SEL1L3: variants seen among roughly 807,000 people sequenced by gnomAD.
SEL1L3 encodes SEL1L family member 3, also known as protein sel-1 homolog 3.
SEL1L3 carries 76 observed loss-of-function variants against 142.8 expected under a neutral mutation model. The ratio of observed to expected loss-of-function variants is 0.53; its 90% CI spans 0.44 to 0.64. SEL1L3 has a LOEUF of 0.64. SEL1L3 is among the 30% of genes least tolerant of loss of function. The probability of loss-of-function intolerance (pLI) is 0.00; values close to 1 mark genes in which losing one functional copy is unlikely to be tolerated. For missense variants in SEL1L3, 1,262 were observed against 1,381.7 expected (o/e 0.91, Z 1.37); for synonymous variants, 504 against 519.6 (o/e 0.97, Z 0.41).
intron 23 of SEL1L3, among the ~76,000 whole-genome samples, chr4:25,750,144 G>A (rs1342811144): frequency 6.8e-6 from 1 of 147,432 alleles, no homozygotes; most frequent in African/African-American, 2.5e-5. Flanking sequence ...TAAAGCCGGA[G>A]AATTGCTTGA....
rs1479539899 is a variant in SEL1L3 at position 25,847,288 on chromosome 4, A to G, written c.733+6T>C. 1 of 1,604,298 alleles carries G rather than the reference A, an allele frequency of 6.2e-7. No homozygotes were observed. Among genetic ancestry groups the G allele is most frequent in the Non-Finnish European group, 8.5e-7 (1 of 1,174,630 alleles). The stretch of plus-strand genomic sequence containing the variant: ...AATTAGGTTCCTAGCAAGATAGATG[A>G]CCTACCATTTTCCAGAGGACACTGT... On this transcript the variant is annotated splice_donor_region_variant and intron_variant, in intron 2 of 23. Coordinates refer to ENST00000399878, the MANE Select transcript of SEL1L3 (RefSeq NM_015187.5).
intron 1 of SEL1L3, among the ~76,000 whole-genome samples, chr4:25,858,672 C>T (rs889318906): frequency 2.6e-5 from 4 of 151,998 alleles, no homozygotes; most frequent in African/African-American, 9.7e-5. Context: ...TGTAACCTCT[C>T]CCTCCTGGGT....
intron 13 of SEL1L3, among the ~76,000 whole-genome samples, chr4:25,785,915 C>T (rs542318408): frequency 1.3e-5 from 2 of 152,318 alleles, no homozygotes; most frequent in East Asian, 3.9e-4. Flanking sequence ...ACAACCCACA[C>T]ACTCTAGAAT....
Position 25,780,731 on chromosome 4 carries a change from A to AAT in SEL1L3, c.2457+1509_2457+1510dup, listed in dbSNP as rs1417159472. On this transcript the variant is annotated intron_variant, in intron 15 of 23. Coordinates refer to ENST00000399878, the MANE Select transcript of SEL1L3 (RefSeq NM_015187.5). Reference sequence around the variant, plus strand: ...CTACATATATATAAAATATATAAATAATATATATAAATAAAAAATTATATA... The same window carrying AAT: ...CTACATATATATAAAATATATAAATAATATATATATAAATAAAAAATTATATA... Among the ~76,000 whole-genome samples, 4 of 147,102 alleles carry AAT rather than the reference A, an allele frequency of 2.7e-5. No homozygotes were observed. The East Asian group carries it at 7.8e-4, about 29-fold the overall frequency.
At chr4:25,813,091 T>C (rs1714143790) in intron 9 of SEL1L3, among the ~76,000 whole-genome samples, 1 of 152,112 alleles carries the variant, frequency 6.6e-6, no homozygotes, top group African/African-American at 2.4e-5. Flanking sequence ...TTGTGCACCG[T>C]TGGAGGGAAT....
chr4:25,812,243 C>A (rs1202907954), intron 9 of SEL1L3, among the ~76,000 whole-genome samples: 1 of 152,214 alleles, frequency 6.6e-6, no homozygotes, highest in Non-Finnish European at 1.5e-5. Flanking sequence ...AGTTTGCCTG[C>A]CTGGCAAACA....
rs1433231400 is a variant in SEL1L3 at position 25,747,530 on chromosome 4, T to A, written c.*895A>T. 6.6e-6 allele frequency: 1 copy of A among 152,072 alleles called. No homozygotes were observed. The highest frequency in any genetic ancestry group is 1.5e-5 in the Non-Finnish European group (1 of 68,036). 9.4% of individuals were successfully genotyped at this position (152,072 alleles called of 1,614,324 possible). ...TTGCATTACTGATTTATTCACTACC[T>A]TAGCAGCATGTAGTATACAGACATT... On this transcript the variant is annotated 3_prime_UTR_variant, in exon 24 of 24. Coordinates refer to ENST00000399878, the MANE Select transcript of SEL1L3 (RefSeq NM_015187.5).
At position 25,788,140 on chromosome 4, in the gene SEL1L3, CCT is replaced by C. The variant is rs548604468; in HGVS notation, c.2217+82_2217+83del. 155 of 1,401,354 alleles carry C rather than the reference CCT, an allele frequency of 1.1e-4. 1 individual carries two copies. In the South Asian group the frequency reaches 1.8e-3, roughly 16 times the overall value. The allele number at this position is 1,401,354 out of a possible 1,614,324, so 86.8% of individuals were successfully genotyped here. ...ACTAAATTTCTTCAGTTATCGACTC[CCT>C]GTTTGCCAGCCCGCCCACAGGAAAC... On this transcript the variant is annotated intron_variant, in intron 13 of 23. Transcript: ENST00000399878. The surrounding 1 kb of genome is among the most constrained non-coding windows in gnomAD (Gnocchi z 5.3).
intron 11 of SEL1L3, among the ~76,000 whole-genome samples, chr4:25,795,773 C>G (rs1712692968): frequency 6.6e-6 from 1 of 152,206 alleles, no homozygotes; most frequent in South Asian, 2.1e-4. Context: ...ACATCATGGT[C>G]ACATTCCTGA....
Position 25,822,069 on chromosome 4 carries a change from C to G in SEL1L3, c.1217G>C (p.Arg406Thr). 4 of 1,613,988 alleles carry G rather than the reference C, an allele frequency of 2.5e-6. No individual in the cohort carries two copies. The highest frequency in any genetic ancestry group is 3.4e-6 in the Non-Finnish European group (4 of 1,179,870). ...TAGYFIIGGS[R>T]YVAGIEGFFG... The stretch of plus-strand genomic sequence containing the variant: ...AAACCCTTCAATGCCAGCCACATAC[C>G]TGCTCCCTCCAATAATGAAGTACCC... Residue 406 changes from arginine to threonine, a missense_variant, in exon 7 of 24, where the codon AGG becomes ACG. Around this residue, in one of 3 missense-constraint regions of SEL1L3, gnomAD observed 689 missense variants for 692.8 expected, o/e 0.99. Coordinates refer to ENST00000399878, the MANE Select transcript of SEL1L3 (RefSeq NM_015187.5).
rs1414564888 is a variant in SEL1L3 at position 25,776,314 on chromosome 4, T to G, written c.2632A>C (p.Ile878Leu). ...AGGTAGGCATTGAGGCCTTTGCGGATGACATGGCCCAAGTAGCCATTTTTC... is the reference window on the plus strand; with the variant it reads ...AGGTAGGCATTGAGGCCTTTGCGGAGGACATGGCCCAAGTAGCCATTTTTC... ...AEKNGYLGHVIRKGLNAYLEG... is the reference protein window; with the variant it reads ...AEKNGYLGHVLRKGLNAYLEG... The change falls in exon 17 of 24, where the codon ATC becomes CTC. Residue 878 changes from isoleucine to leucine, a missense_variant. Around this residue, in one of 3 missense-constraint regions of SEL1L3, gnomAD observed 435 missense variants for 559.2 expected, o/e 0.78. Coordinates refer to ENST00000399878, the MANE Select transcript of SEL1L3 (RefSeq NM_015187.5). The G allele has an allele frequency of 6.2e-7, 1 of 1,613,154 alleles. No individual in the cohort carries two copies. The highest frequency in any genetic ancestry group is 2.2e-5 in the East Asian group (1 of 44,836).
chr4:25,745,742 G>C (rs774816772), downstream of SEL1L3, among the ~76,000 whole-genome samples: 2 of 152,248 alleles, frequency 1.3e-5, no homozygotes, highest in Non-Finnish European at 2.9e-5. Flanking sequence ...ATAGTGCTGA[G>C]ATTGAGAAAC....
chr4:25,849,222 A>T (rs887073754), intron 1 of SEL1L3, among the ~76,000 whole-genome samples: 7 of 152,166 alleles, frequency 4.6e-5, no homozygotes, highest in African/African-American at 1.7e-4. Context: ...ACTTGAAGAG[A>T]TGTTTGTACA....
chr4:25,720,439 T>A, the SEL1L3 span: 1 of 152,190 alleles, frequency 6.6e-6, no homozygotes, highest in African/African-American at 2.4e-5. Flanking sequence ...TAGTGTCAGG[T>A]TGATTACTGT....
At chr4:25,856,024 G>T (rs1368130581) in intron 1 of SEL1L3, among the ~76,000 whole-genome samples, 2 of 152,206 alleles carry the variant, frequency 1.3e-5, no homozygotes, top group African/African-American at 4.8e-5. Flanking sequence ...TGAGGTCAGA[G>T]AAGGTGGCAC....
Position 25,759,019 on chromosome 4 carries a change from T to C in SEL1L3, c.3005A>G (p.His1002Arg), listed in dbSNP as rs199713352. 4 of 1,613,812 alleles carry C rather than the reference T, an allele frequency of 2.5e-6. No individual in the cohort carries two copies. The highest frequency in any genetic ancestry group is 1.1e-5 in the South Asian group (1 of 91,056). ...AATTTCCAAGAAATCCAAGATATGGTGTGGGATTATCGTACCTTCCTCGAT... is the reference window on the plus strand; with the variant it reads ...AATTTCCAAGAAATCCAAGATATGGCGTGGGATTATCGTACCTTCCTCGAT... ...LLIEEGTIIP[H>R]HILDFLEIDS... The change falls in exon 21 of 24, where the codon CAC (histidine) becomes CGC (arginine). Residue 1002 changes from histidine to arginine, a missense_variant. Physicochemically the swap from His to Arg is conservative, Grantham distance 29 (BLOSUM62 0). Coordinates refer to ENST00000399878, the MANE Select transcript of SEL1L3 (RefSeq NM_015187.5).
chr4:25,786,104 T>C (rs988541921), intron 13 of SEL1L3, among the ~76,000 whole-genome samples: 2 of 152,140 alleles, frequency 1.3e-5, no homozygotes, highest in Non-Finnish European at 2.9e-5. Context: ...TGGAGGACAG[T>C]TGCTGCTGTC....
Position 25,765,312 on chromosome 4 carries a change from C to G in SEL1L3, c.2955+14G>C. The G allele has an allele frequency of 6.4e-7, 1 of 1,557,934 alleles. No individual in the cohort carries two copies. Among genetic ancestry groups the G allele is most frequent in the Non-Finnish European group, 8.9e-7 (1 of 1,129,804 alleles). ...CCCGGCCAAGAGCTGGTTTTTGTTG[C>G]GGTTGCTGTTTACCTGGGAGTCTCC... On this transcript the variant is annotated intron_variant, in intron 20 of 23. Transcript: ENST00000399878.
chr4:25,716,993 A>G, the SEL1L3 span, among the ~76,000 whole-genome samples: 2 of 151,878 alleles, frequency 1.3e-5, no homozygotes, highest in African/African-American at 4.8e-5. Context: ...CGGGCATGGT[A>G]GTGCATGCCT....
Sources: gnomAD v4.1 joint callset for allele counts (sites outside exome capture counted in the v4.1 genomes callset) on GRCh38, gnomAD v4.1.1 for gene constraint, gnomAD v4.1.1 regional missense constraint, Gnocchi (gnomAD v3.1) non-coding constraint, MANE v1.5 for transcripts, NCBI Gene and HGNC (gene_info 2026-07-23, HGNC 2026-07-21) for gene names.